Variants in GPC4 observed in about 807,000 individuals in gnomAD.
GPC4 encodes glypican 4.
A neutral mutation model predicts 35.0 loss-of-function variants in GPC4; 10 were observed. That is an observed-to-expected ratio of 0.29 (90% CI 0.18 to 0.48). The LOEUF (loss-of-function observed/expected upper bound fraction) is 0.48. GPC4 is among the 20% of genes least tolerant of loss of function. GPC4 has a pLI of 0.99. For synonymous variants in GPC4, 167 were observed against 170.2 expected, an observed-to-expected ratio of 0.98 and a Z score of 0.15; for missense variants, 322 against 451.3, an observed-to-expected ratio of 0.71 and a Z score of 2.60.
At chrX:133,321,872 AAAG>A (rs2068366379) in intron 3 of GPC4, among the ~76,000 whole-genome samples, 1 of 111,973 alleles carries the variant, frequency 8.9e-6, no homozygotes, top group Admixed American at 9.5e-5. Flanking sequence ...TGAAAATATC[AAAG>A]AAGGAGTGAA....
At chrX:133,354,556 A>ATTT (rs1569348986) in intron 1 of GPC4, among the ~76,000 whole-genome samples, 34 of 91,303 alleles carry the variant, frequency 3.7e-4, no homozygotes, top group Middle Eastern at 5.2e-3. Context: ...TTATTTATTT[A>ATTT]TTTATTTATT....
At chrX:133,408,142 T>G (rs2068797669) in intron 1 of GPC4, among the ~76,000 whole-genome samples, 1 of 112,822 alleles carries the variant, frequency 8.9e-6, no homozygotes, top group Non-Finnish European at 1.9e-5. Flanking sequence ...TTTCTGCACT[T>G]TCATGTTCTC....
intron 3 of GPC4, among the ~76,000 whole-genome samples, chrX:133,315,775 C>T (rs1489203179): frequency 9.0e-6 from 1 of 111,492 alleles, no homozygotes; most frequent in African/African-American, 3.3e-5. Context: ...CAGCTCTTGA[C>T]TAACATTTGA....
chrX:133,387,829 G>A (rs920054595), intron 1 of GPC4, among the ~76,000 whole-genome samples: 4 of 111,757 alleles, frequency 3.6e-5, no homozygotes, highest in African/African-American at 9.8e-5. Context: ...GTGCAGCACC[G>A]ATAGGGCTCA....
Position 133,364,286 on chromosome X carries a change from G to A in GPC4, c.161-24945C>T, listed in dbSNP as rs773943774. Among the ~76,000 whole-genome samples the A allele has an allele frequency of 2.8e-4, 31 of 111,914 alleles. 1 individual carries two copies. The South Asian group carries it at 0.011, about 39-fold the overall frequency. On this transcript the variant is annotated intron_variant, in intron 1 of 8. Coordinates refer to ENST00000370828, the MANE Select transcript of GPC4 (RefSeq NM_001448.3). ...CAGTATAGGGTTTCAATTCTCTTGG[G>A]TTTATACCTAGCAATGGAATTGCTT...
intron 1 of GPC4, among the ~76,000 whole-genome samples, chrX:133,402,556 G>C (rs2068770801): frequency 1.8e-5 from 2 of 112,000 alleles, no homozygotes; most frequent in Admixed American, 9.5e-5. Flanking sequence ...ACGGAAGTGA[G>C]CACCTAGTAG....
chrX:133,345,297 T>A (rs1825083220), intron 1 of GPC4, among the ~76,000 whole-genome samples: 1 of 112,023 alleles, frequency 8.9e-6, no homozygotes. Context: ...CAAGGAGGCA[T>A]TATGTAAATG....
chrX:133,356,944 C>G (rs1325957397), intron 1 of GPC4, among the ~76,000 whole-genome samples: 3 of 111,365 alleles, frequency 2.7e-5, no homozygotes, highest in Non-Finnish European at 1.9e-5. Flanking sequence ...TATGTCAGAA[C>G]AGTGTGGGAA....
chrX:133,344,596 A>G (rs2068484447), intron 1 of GPC4, among the ~76,000 whole-genome samples: 2 of 111,266 alleles, frequency 1.8e-5, no homozygotes, highest in African/African-American at 6.5e-5. Context: ...ATCCAACTAG[A>G]TGCCAAGAAA....
rs1412463359 is a variant in GPC4, at chrX:133,414,810, G to C, written c.156C>G (p.Ile52Met). 3.3e-6 allele frequency: 4 copies of C among 1,211,228 alleles called. No homozygotes were observed. In the Middle Eastern group the frequency reaches 6.9e-4, roughly 210 times the overall value. ...FNKNDAPLHE[I>M]NGDHLKICPQ... is the part of the protein sequence containing the mutation. ...CTCCCGGGTGTGCCCACCTACCGTT[G>C]ATCTCGTGGAGGGGGGCATCGTTCT... The change falls in exon 1 of 9, where the codon ATC becomes ATG. Residue 52 changes from isoleucine (I) to methionine (M), a missense_variant. This residue lies in a region of GPC4 where 60 missense variants were observed against 64.1 expected (regional missense o/e 0.94). Coordinates refer to ENST00000370828, the MANE Select transcript of GPC4 (RefSeq NM_001448.3).
chrX:133,302,708 T>A lies in GPC4; in HGVS notation c.*159A>T. On this transcript the variant is annotated 3_prime_UTR_variant, in exon 9 of 9. Transcript: ENST00000370828. ...AGTCCCTTTTCCTCCCAAAACTGAA[T>A]GAGAAAACAAAGTCAGCACTTCTTA... 1 of 495,835 alleles carries A rather than the reference T, an allele frequency of 2.0e-6. No homozygotes were observed. Among genetic ancestry groups the A allele is most frequent in the South Asian group, 3.3e-5 (1 of 30,540 alleles). The allele number at this position is 495,835 out of a possible 1,213,427, so 40.9% of individuals were successfully genotyped here.
intron 6 of GPC4, 85 bp from the exon 7 acceptor site, chrX:133,304,946 A>C (rs2068284473): frequency 2.2e-6 from 2 of 927,521 alleles, no homozygotes; most frequent in African/African-American, 3.8e-5. Flanking sequence ...GCCATTTCCA[A>C]AGTATCTCCA....
intron 1 of GPC4, among the ~76,000 whole-genome samples, chrX:133,370,042 T>C (rs2068605534): frequency 8.9e-6 from 1 of 112,063 alleles, no homozygotes; most frequent in Non-Finnish European, 1.9e-5. Flanking sequence ...GGAGGTCAGC[T>C]CTCTCAAGCC....
rs182819851 is a variant in GPC4, at chrX:133,327,708, G to A, written c.320-3172C>T. 3.1e-3 allele frequency among the ~76,000 whole-genome samples: 325 copies of A among 105,962 alleles called. 2 individuals carry two copies. Among genetic ancestry groups the A allele is most frequent in the Non-Finnish European group, 2.9e-3 (151 of 52,168 alleles). The allele number at this position is 105,962 out of a possible 115,157, so 92.0% of individuals were successfully genotyped here. On this transcript the variant is annotated intron_variant, in intron 2 of 8. Transcript: ENST00000370828. ...GTGTTTATGCTAGCGTGTACTTTAA[G>A]AGCCTAGGTTGGTGCTATATACATA...
intron 1 of GPC4, among the ~76,000 whole-genome samples, chrX:133,378,909 G>A (rs1248513446): frequency 8.9e-6 from 1 of 111,918 alleles, no homozygotes; most frequent in Non-Finnish European, 1.9e-5. Flanking sequence ...AATTGCTAGG[G>A]CCCTTGAGAA....
At chrX:133,331,847 A>C (rs938892994) in intron 2 of GPC4, among the ~76,000 whole-genome samples, 1 of 111,627 alleles carries the variant, frequency 9.0e-6, no homozygotes, top group African/African-American at 3.3e-5. Context: ...CGTACACAAA[A>C]AGATTAGGTA....
intron 1 of GPC4, among the ~76,000 whole-genome samples, chrX:133,360,853 C>T (rs1004408898): frequency 7.1e-5 from 8 of 111,892 alleles, no homozygotes; most frequent in Admixed American, 1.9e-4. Flanking sequence ...AAGGACATTG[C>T]TGCATTAGAG....
At chrX:133,344,191 G>GTTTCTTTTTTTTTTTT (rs2068480014) in intron 1 of GPC4, among the ~76,000 whole-genome samples, 1 of 38,897 alleles carries the variant, frequency 2.6e-5, no homozygotes, top group Non-Finnish European at 5.2e-5. Context: ...TTTCTTTCTG[G>GTTTCTTTTTTTTTTTT]TTTTTTTTTT....
intron 1 of GPC4, among the ~76,000 whole-genome samples, chrX:133,414,124 G>A (rs998478764): frequency 9.0e-5 from 10 of 111,272 alleles, no homozygotes; most frequent in African/African-American, 3.3e-4. Context: ...CGGAAAGTAG[G>A]AGAGTTCCCA....
Sources: gnomAD v4.1 joint callset for allele counts (sites outside exome capture counted in the v4.1 genomes callset) on GRCh38, gnomAD v4.1.1 for gene constraint, gnomAD v4.1.1 regional missense constraint, MANE v1.5 for transcripts, NCBI Gene and HGNC (gene_info 2026-07-23, HGNC 2026-07-21) for gene names.